ANK3: variants seen among roughly 807,000 people sequenced by gnomAD.
ANK3 encodes the protein ankyrin 3.
Under a neutral mutation model 370.9 loss-of-function variants are expected in ANK3, and 57 were observed. That is an observed-to-expected ratio of 0.15 (90% CI 0.12 to 0.19). ANK3 has a LOEUF of 0.19. ANK3 is among the 10% of genes least tolerant of loss of function. The probability of loss-of-function intolerance (pLI) is 1.00; values close to 1 mark genes in which losing one functional copy is unlikely to be tolerated. For missense variants in ANK3, 4,439 were observed against 5,302.1 expected (o/e 0.84, Z 5.06); for synonymous variants, 1,929 against 1,946.3 (o/e 0.99, Z 0.23).
intron 1 of ANK3, among the ~76,000 whole-genome samples, chr10:60,708,445 A>AC (rs2079650501): frequency 6.6e-6 from 1 of 152,226 alleles, no homozygotes; most frequent in Admixed American, 6.5e-5. Context: ...GCCCTGAAGA[A>AC]TGAGTTGAGT....
At chr10:60,682,143 C>T (rs571884156) in intron 1 of ANK3, among the ~76,000 whole-genome samples, 6 of 152,062 alleles carry the variant, frequency 3.9e-5, no homozygotes, top group African/African-American at 1.4e-4. Context: ...CAAGACTCTG[C>T]CTTTAAAAAA....
intron 2 of ANK3, among the ~76,000 whole-genome samples, chr10:60,540,220 G>C (rs2076816390): frequency 6.6e-6 from 1 of 151,860 alleles, no homozygotes; most frequent in East Asian, 1.9e-4. Context: ...TGGGTGGCTT[G>C]TTTCCACTTG....
intron 28 of ANK3, among the ~76,000 whole-genome samples, chr10:60,101,885 A>T (rs1188094762): frequency 2.0e-5 from 3 of 152,086 alleles, no homozygotes; most frequent in African/African-American, 4.8e-5. Context: ...ATACCAGCTG[A>T]CATATATGTG....
intron 2 of ANK3, among the ~76,000 whole-genome samples, chr10:60,497,568 C>T (rs1000774301): frequency 1.3e-5 from 2 of 152,094 alleles, no homozygotes; most frequent in Non-Finnish European, 2.9e-5. Context: ...ATTTATTAAG[C>T]TTTTGTTTTT....
chr10:60,651,138 T>C lies in ANK3; in HGVS notation c.58-35914A>G, dbSNP rs1487659270. On this transcript the variant is annotated intron_variant, in intron 1 of 43. Transcript: ENST00000373827. The stretch of plus-strand genomic sequence containing the variant: ...TTTTATATATATGTGTGTGTGTTTA[T>C]GTATATGAATGTGTACACACACGCA... Among the ~76,000 whole-genome samples the C allele has an allele frequency of 1.2e-4, 18 of 152,192 alleles. 1 individual carries two copies.
At chr10:60,599,048 CCTCCTGAGT>C (rs2078026213) in intron 2 of ANK3, among the ~76,000 whole-genome samples, 1 of 152,118 alleles carries the variant, frequency 6.6e-6, no homozygotes, top group Admixed American at 6.5e-5. Context: ...CCCACCTGAG[CCTCCTGAGT>C]AGCTGGGACT....
chr10:60,443,185 T>C (rs1225679868), intron 2 of ANK3, among the ~76,000 whole-genome samples: 1 of 152,172 alleles, frequency 6.6e-6, no homozygotes, highest in Non-Finnish European at 1.5e-5. Flanking sequence ...ATAGGCATTA[T>C]GGCTAAGCTA....
rs558183432 is a variant in ANK3 at position 60,573,554 on chromosome 10, C to T, written c.96+41632G>A. ...CACTGTGCCCACACTCCCCACTGCA[C>T]GCCATCCTGAGCCCCAGGAATCTGG... On this transcript the variant is annotated intron_variant, in intron 2 of 43. Coordinates refer to the ANK3 transcript ENST00000373827. 5.6e-4 allele frequency among the ~76,000 whole-genome samples: 85 copies of T among 152,180 alleles called. 1 individual carries two copies. The highest frequency in any genetic ancestry group is 1.1e-3 in the Non-Finnish European group (73 of 68,034).
At chr10:60,681,171 T>C (rs562822149) in intron 1 of ANK3, among the ~76,000 whole-genome samples, 192 of 152,304 alleles carry the variant, frequency 1.3e-3, no homozygotes, top group African/African-American at 4.0e-3. Flanking sequence ...ACTATTCTGT[T>C]GAAGTTTGGT....
chr10:60,044,336 T>C, intron 42 of ANK3: 2 of 983,910 alleles, frequency 2.0e-6, no homozygotes, highest in Non-Finnish European at 2.4e-6. Flanking sequence ...GGAATGTTTT[T>C]TGCTTCCTCT....
At chr10:60,638,264 G>A (rs1273155639) in intron 1 of ANK3, among the ~76,000 whole-genome samples, 1 of 152,156 alleles carries the variant, frequency 6.6e-6, no homozygotes, top group African/African-American at 2.4e-5. Flanking sequence ...AGAGTGGAGA[G>A]ACTTTGTAAT....
At chr10:60,360,264 T>G (rs971329940) in intron 1 of ANK3, among the ~76,000 whole-genome samples, 1 of 152,220 alleles carries the variant, frequency 6.6e-6, no homozygotes, top group Non-Finnish European at 1.5e-5. Context: ...GGATCTACTT[T>G]TATCAGAAAC....
At chr10:60,280,889 C>T (rs927973921) in intron 1 of ANK3, among the ~76,000 whole-genome samples, 2 of 152,198 alleles carry the variant, frequency 1.3e-5, no homozygotes, top group Non-Finnish European at 2.9e-5. Context: ...TTTCATTGAA[C>T]TCTCTTCGTA....
intron 25 of ANK3, among the ~76,000 whole-genome samples, chr10:60,128,931 A>G (rs2093922079): frequency 6.6e-6 from 1 of 152,252 alleles, no homozygotes; most frequent in African/African-American, 2.4e-5. Context: ...TGTCTTAAGT[A>G]CATTAGCTGT....
intron 8 of ANK3, among the ~76,000 whole-genome samples, chr10:60,222,282 G>C (rs77190086): frequency 0.024 from 3,647 of 152,272 alleles, 144 homozygotes; most frequent in African/African-American, 0.08. Flanking sequence ...TGACAGGTCA[G>C]TGGAAAACGA....
intron 28 of ANK3, among the ~76,000 whole-genome samples, chr10:60,096,497 A>G (rs76258134): frequency 0.037 from 5,629 of 152,282 alleles, 166 homozygotes; most frequent in Non-Finnish European, 0.058. Context: ...AATGTCCTCC[A>G]ACCTGGCCAG....
At chr10:60,554,424 A>T (rs2077162420) in intron 2 of ANK3, among the ~76,000 whole-genome samples, 1 of 152,166 alleles carries the variant, frequency 6.6e-6, no homozygotes. Context: ...GAACGAGCCT[A>T]TAGTGCAAAA....
rs776792399 is a variant in ANK3, at chr10:60,088,130, C to CT, written c.3540+16dup. On this transcript the variant is annotated intron_variant, in intron 29 of 43. Transcript: ENST00000280772. ...TCTCTGCGCATACTGAGGGAAACAA[C>CT]TTTTTGTGAACATTACCTGGAGGCC... 3 of 1,612,570 alleles carry CT rather than the reference C, an allele frequency of 1.9e-6. No homozygotes were observed. The African/African-American group carries it at 4.0e-5, about 22-fold the overall frequency.
At chr10:60,687,649 T>A (rs961731241) in intron 1 of ANK3, among the ~76,000 whole-genome samples, 1 of 152,104 alleles carries the variant, frequency 6.6e-6, no homozygotes, top group African/African-American at 2.4e-5. Context: ...GGAAAACAGT[T>A]AAGGAGGCTC....
Sources: allele counts gnomAD v4.1 joint callset (sites outside exome capture counted in the v4.1 genomes callset), GRCh38; gene constraint gnomAD v4.1.1; transcripts MANE v1.5; gene names NCBI Gene and HGNC (gene_info 2026-07-23, HGNC 2026-07-21).